Variants in PITPNB observed in about 807,000 individuals in gnomAD.
The protein encoded by PITPNB is phosphatidylinositol transfer protein beta isoform.
A neutral mutation model predicts 45.9 loss-of-function variants in PITPNB; 16 were observed. The ratio of observed to expected loss-of-function variants is 0.35; its 90% CI spans 0.24 to 0.53. The LOEUF is 0.53. PITPNB is among the 20% of genes least tolerant of loss of function. The probability of loss-of-function intolerance (pLI) is 0.93; values close to 1 mark genes in which losing one functional copy is unlikely to be tolerated. For synonymous variants in PITPNB, 112 were observed against 108.9 expected (o/e 1.03, Z -0.18); for missense variants, 188 against 330.5 (o/e 0.57, Z 3.34).
At chr22:27,889,073 C>G (rs545486231) in intron 7 of PITPNB, among the ~76,000 whole-genome samples, 2 of 152,326 alleles carry the variant, frequency 1.3e-5, no homozygotes, top group Admixed American at 1.3e-4. Context: ...CAAAGTAAAT[C>G]TTACAGTCAA....
chr22:27,897,028 T>C (rs1205539175), intron 5 of PITPNB, 102 bp downstream of exon 5: 7 of 841,430 alleles, frequency 8.3e-6, no homozygotes, highest in Non-Finnish European at 1.5e-5. Context: ...GAAGGAACCA[T>C]GCAGCGAGGT....
chr22:27,883,112 A>C (rs1384760000), intron 7 of PITPNB, among the ~76,000 whole-genome samples: 2 of 152,232 alleles, frequency 1.3e-5, no homozygotes, highest in African/African-American at 2.4e-5. Context: ...ACTACTACTG[A>C]TAAAAACTGG....
intron 3 of PITPNB, among the ~76,000 whole-genome samples, chr22:27,908,334 C>CTT (rs201602287): frequency 2.3e-5 from 3 of 132,978 alleles, no homozygotes; most frequent in Admixed American, 7.4e-5. Flanking sequence ...CTCTTTTAGG[C>CTT]TTTTTTTTTT....
chr22:27,908,004 T>C (rs554509910), intron 3 of PITPNB, among the ~76,000 whole-genome samples: 2 of 151,990 alleles, frequency 1.3e-5, no homozygotes, highest in South Asian at 4.2e-4. Context: ...CAAAATCTTC[T>C]TTTATTTAAC....
intron 7 of PITPNB, among the ~76,000 whole-genome samples, chr22:27,878,552 A>G (rs1480586995): frequency 6.6e-6 from 1 of 152,244 alleles, no homozygotes; most frequent in Non-Finnish European, 1.5e-5. Flanking sequence ...GTTCCCACAG[A>G]GTACCATTAA....
chr22:27,883,827 T>G (rs949451458), intron 7 of PITPNB, among the ~76,000 whole-genome samples: 2 of 152,132 alleles, frequency 1.3e-5, no homozygotes, highest in Non-Finnish European at 2.9e-5. Context: ...ACCTGCCTAA[T>G]GACCATGGTC....
At chr22:27,872,332 G>T (rs1409271064) in intron 8 of PITPNB, among the ~76,000 whole-genome samples, 2 of 151,898 alleles carry the variant, frequency 1.3e-5, no homozygotes, top group Non-Finnish European at 2.9e-5. Flanking sequence ...GACCTCAAGT[G>T]ATCCACCCAC....
chr22:27,873,856 G>T, intron 7 of PITPNB, 41 bp from the exon 8 acceptor site: 1 of 1,332,420 alleles, frequency 7.5e-7, no homozygotes, highest in African/African-American at 1.4e-5. Context: ...AAGAAAACCA[G>T]AGAATATTCT....
chr22:27,878,978 C>T (rs1324258348), intron 7 of PITPNB, among the ~76,000 whole-genome samples: 2 of 152,086 alleles, frequency 1.3e-5, no homozygotes, highest in African/African-American at 4.8e-5. Flanking sequence ...GAATTTTAAA[C>T]AACTGTATTG....
intron 8 of PITPNB, among the ~76,000 whole-genome samples, chr22:27,872,076 G>A (rs200101054): frequency 0.045 from 6,088 of 134,188 alleles, 233 homozygotes; most frequent in African/African-American, 0.098. Context: ...AGCCAATTAA[G>A]CCTGGTTTTT....
At chr22:27,895,214 G>C (rs1456902098) in intron 6 of PITPNB, among the ~76,000 whole-genome samples, 1 of 152,176 alleles carries the variant, frequency 6.6e-6, no homozygotes, top group African/African-American at 2.4e-5. Context: ...TTTAAAAGCT[G>C]AAAATATCAG....
At chr22:27,897,229 C>T in intron 4 of PITPNB, 92 bp from the exon 5 acceptor site, 1 of 854,356 alleles carries the variant, frequency 1.2e-6, no homozygotes, top group East Asian at 2.4e-5. Flanking sequence ...CTTAATGTCA[C>T]AAAGACTAAA....
chr22:27,874,811 TTC>T (rs1213485893), intron 7 of PITPNB, among the ~76,000 whole-genome samples: 2 of 152,214 alleles, frequency 1.3e-5, no homozygotes, highest in Non-Finnish European at 2.9e-5. Context: ...TGAGCAGACT[TTC>T]TGACTCTGGG....
intron 8 of PITPNB, among the ~76,000 whole-genome samples, chr22:27,861,899 C>T (rs1934345664): frequency 1.3e-5 from 2 of 152,158 alleles, no homozygotes; most frequent in Non-Finnish European, 2.9e-5. Flanking sequence ...GTTGTATTGA[C>T]CACTTTTGAA....
chr22:27,891,217 A>C (rs1259669092), intron 7 of PITPNB, among the ~76,000 whole-genome samples: 3 of 152,234 alleles, frequency 2.0e-5, no homozygotes, highest in Non-Finnish European at 4.4e-5. Flanking sequence ...AAAATGGCTA[A>C]AAGGGTAAAA....
At chr22:27,854,781 C>T in intron 11 of PITPNB, 73 bp downstream of exon 11, 1 of 756,744 alleles carries the variant, frequency 1.3e-6, no homozygotes. Flanking sequence ...AGAGCTTCTG[C>T]TCAGCAAGTT....
chr22:27,892,015 T>G (rs893334591), intron 7 of PITPNB, among the ~76,000 whole-genome samples: 8 of 152,166 alleles, frequency 5.3e-5, no homozygotes, highest in Non-Finnish European at 1.2e-4. Context: ...ATGTATGTTT[T>G]TAGTCAAAGC....
intron 7 of PITPNB, among the ~76,000 whole-genome samples, chr22:27,890,359 T>TA (rs201645443): frequency 1.8e-3 from 199 of 111,424 alleles, no homozygotes; most frequent in South Asian, 0.01. Flanking sequence ...CTGGAATTAT[T>TA]TTTTTTTTTT....
At chr22:27,917,786 AAAT>A (rs538637370) in intron 1 of PITPNB, among the ~76,000 whole-genome samples, 3 of 152,214 alleles carry the variant, frequency 2.0e-5, no homozygotes, top group African/African-American at 4.8e-5. Flanking sequence ...AGTAGGAGAA[AAAT>A]AATAATAATA....
Sources: allele counts gnomAD v4.1 joint callset (sites outside exome capture counted in the v4.1 genomes callset), GRCh38; gene constraint gnomAD v4.1.1; transcripts MANE v1.5; gene names NCBI Gene and HGNC (gene_info 2026-07-23, HGNC 2026-07-21).